TAF1B: variants seen among roughly 807,000 people sequenced by gnomAD.
TAF1B encodes TATA box-binding protein-associated factor RNA polymerase I subunit B.
A neutral mutation model predicts 83.9 loss-of-function variants in TAF1B; 61 were observed. That is an observed-to-expected ratio of 0.73 (90% confidence interval 0.59 to 0.90). TAF1B has a LOEUF of 0.90. Among genes scored for constraint, TAF1B ranks in the 40% least tolerant of loss-of-function variants. The pLI, the probability that TAF1B is intolerant of heterozygous loss-of-function variation, is 0.00. For synonymous variants in TAF1B, 221 were observed against 224.6 expected (o/e 0.98, Z 0.14); for missense variants, 625 against 677.0 (o/e 0.92, Z 0.85).
chr2:9,916,469 T>A (rs942647242), intron 12 of TAF1B, among the ~76,000 whole-genome samples: 55 of 152,350 alleles, frequency 3.6e-4, no homozygotes, highest in African/African-American at 1.2e-3. Context: ...TAATGCTTTC[T>A]TGATCTGTGG....
chr2:9,919,148 A>G, intron 13 of TAF1B, 37 bp downstream of exon 13: 3 of 1,532,188 alleles, frequency 2.0e-6, no homozygotes, highest in Non-Finnish European at 2.7e-6. Flanking sequence ...CCAAGTAGCA[A>G]CACAGTTGTA....
intron 12 of TAF1B, among the ~76,000 whole-genome samples, chr2:9,916,071 A>T (rs1665673397): frequency 6.6e-6 from 1 of 152,206 alleles, no homozygotes; most frequent in Non-Finnish European, 1.5e-5. Context: ...TCAAGGGTTG[A>T]CTGTCAAGGG....
chr2:9,918,179 T>C (rs749460846), intron 12 of TAF1B, among the ~76,000 whole-genome samples: 9 of 152,108 alleles, frequency 5.9e-5, no homozygotes, highest in Non-Finnish European at 1.0e-4. Flanking sequence ...AAGAAGAAGG[T>C]GGATTTTTAA....
intron 7 of TAF1B, among the ~76,000 whole-genome samples, chr2:9,877,330 C>T (rs1318930753): frequency 6.6e-6 from 1 of 152,190 alleles, no homozygotes; most frequent in East Asian, 1.9e-4. Flanking sequence ...TCATCTGTCT[C>T]CTTGATCCAG....
intron 8 of TAF1B, among the ~76,000 whole-genome samples, chr2:9,893,944 T>C (rs1019104536): frequency 2.6e-5 from 4 of 152,188 alleles, no homozygotes; most frequent in Admixed American, 2.0e-4. Flanking sequence ...CTTACAGATA[T>C]AGTATATGTA....
Position 9,843,494 on chromosome 2 carries a change from G to A in TAF1B, c.-48G>A, listed in dbSNP as rs1663084011. On this transcript the variant is annotated 5_prime_UTR_variant, in exon 1 of 15. Transcript: ENST00000263663. ...CCAGCCTTTCCCGGAAGCTGCGCTCGCTACCCGGGTAACGGGTCCCGGCTG... is the reference window on the plus strand; with the variant it reads ...CCAGCCTTTCCCGGAAGCTGCGCTCACTACCCGGGTAACGGGTCCCGGCTG... 2.0e-6 allele frequency: 3 copies of A among 1,517,380 alleles called. No individual in the cohort carries two copies. Among genetic ancestry groups the A allele is most frequent in the Non-Finnish European group, 2.7e-6 (3 of 1,127,432 alleles). 94.0% of individuals were successfully genotyped at this position (1,517,380 alleles called of 1,614,324 possible). A position where few individuals can be genotyped will look rare whatever the true frequency, so the allele number is the denominator to read the frequency against.
At chr2:9,896,676 C>A (rs1359804540) in intron 8 of TAF1B, among the ~76,000 whole-genome samples, 1 of 101,626 alleles carries the variant, frequency 9.8e-6, no homozygotes, top group African/African-American at 2.6e-5. Flanking sequence ...TTTATCCCAG[C>A]TGAGCTTTCT....
intron 9 of TAF1B, among the ~76,000 whole-genome samples, chr2:9,907,163 C>T (rs933740418): frequency 6.6e-6 from 1 of 150,594 alleles, no homozygotes; most frequent in Admixed American, 6.6e-5. Flanking sequence ...GCTGGGATTA[C>T]AGGCATAAGC....
chr2:9,920,530 GTCC>G (rs1665842606), intron 14 of TAF1B, among the ~76,000 whole-genome samples: 1 of 139,674 alleles, frequency 7.2e-6, no homozygotes, highest in Non-Finnish European at 1.5e-5. Context: ...CAAGTGCCGT[GTCC>G]TCCTCAGGGT....
intron 14 of TAF1B, among the ~76,000 whole-genome samples, chr2:9,920,494 T>C (rs1665840869): frequency 6.7e-6 from 1 of 150,294 alleles, no homozygotes; most frequent in Non-Finnish European, 1.5e-5. Flanking sequence ...CATGTTTAGA[T>C]TCAGGTTCTG....
At chr2:9,927,857 T>C (rs1055499537) in intron 14 of TAF1B, among the ~76,000 whole-genome samples, 3 of 152,188 alleles carry the variant, frequency 2.0e-5, no homozygotes, top group Non-Finnish European at 4.4e-5. Flanking sequence ...TGCAGAAGCT[T>C]GTTAGTTTAA....
intron 5 of TAF1B, among the ~76,000 whole-genome samples, chr2:9,857,396 G>A (rs763154265): frequency 3.9e-5 from 6 of 152,138 alleles, no homozygotes; most frequent in Non-Finnish European, 7.3e-5. Context: ...ACTTCCTGAC[G>A]GATTGGATGT....
intron 5 of TAF1B, among the ~76,000 whole-genome samples, chr2:9,860,836 G>A (rs1663728798): frequency 6.6e-6 from 1 of 152,194 alleles, no homozygotes; most frequent in Non-Finnish European, 1.5e-5. Context: ...TGGAATATAA[G>A]GTAGACTGAG....
At chr2:9,866,406 G>A (rs1663977635) in intron 5 of TAF1B, among the ~76,000 whole-genome samples, 1 of 151,168 alleles carries the variant, frequency 6.6e-6, no homozygotes, top group Non-Finnish European at 1.5e-5. Context: ...ACGCCAGTTA[G>A]AATGGCGATC....
At chr2:9,899,092 C>G (rs1665105772) in intron 8 of TAF1B, among the ~76,000 whole-genome samples, 1 of 152,134 alleles carries the variant, frequency 6.6e-6, no homozygotes, top group South Asian at 2.1e-4. Flanking sequence ...GCATCCATCA[C>G]CACCATCCAT....
chr2:9,844,114 A>G (rs1198250880), intron 1 of TAF1B, among the ~76,000 whole-genome samples: 1 of 152,114 alleles, frequency 6.6e-6, no homozygotes, highest in Non-Finnish European at 1.5e-5. Context: ...TTTGGCATGC[A>G]TTTTGTTTTG....
chr2:9,921,208 C>CA (rs1380297515), intron 14 of TAF1B, among the ~76,000 whole-genome samples: 1 of 152,212 alleles, frequency 6.6e-6, no homozygotes, highest in Non-Finnish European at 1.5e-5. Context: ...CCTCCCACCT[C>CA]AGCCTTCCAA....
chr2:9,879,972 G>A (rs572106566), intron 7 of TAF1B, among the ~76,000 whole-genome samples: 1 of 152,066 alleles, frequency 6.6e-6, no homozygotes, highest in Non-Finnish European at 1.5e-5. Flanking sequence ...GGAGAGATAC[G>A]ATCTGATTGA....
At chr2:9,898,127 A>C (rs956185009) in intron 8 of TAF1B, among the ~76,000 whole-genome samples, 1 of 152,212 alleles carries the variant, frequency 6.6e-6, no homozygotes, top group Admixed American at 6.5e-5. Context: ...TTTGTTTCCT[A>C]CAACCGGCAT....
Sources: gnomAD v4.1 joint callset for allele counts (sites outside exome capture counted in the v4.1 genomes callset) on GRCh38, gnomAD v4.1.1 for gene constraint, MANE v1.5 for transcripts, NCBI Gene and HGNC (gene_info 2026-07-23, HGNC 2026-07-21) for gene names.